SORD: variants seen among roughly 807,000 people sequenced by gnomAD.
SORD encodes the protein (R,R)-butanediol dehydrogenase.
Under a neutral mutation model 35.6 loss-of-function variants are expected in SORD, and 18 were observed. That is an observed-to-expected ratio of 0.51 (90% confidence interval 0.35 to 0.75). The LOEUF is 0.75. Among genes scored for constraint, SORD ranks in the 30% least tolerant of loss-of-function variants. SORD has a pLI of 0.01. For synonymous variants in SORD, 106 were observed against 152.9 expected, an observed-to-expected ratio of 0.69 and a Z score of 2.26; for missense variants, 250 against 390.2, an observed-to-expected ratio of 0.64 and a Z score of 3.03.
chr15:45,024,917 G>A (rs1892647119), intron 1 of SORD, among the ~76,000 whole-genome samples: 1 of 152,272 alleles, frequency 6.6e-6, no homozygotes, highest in South Asian at 2.1e-4. Flanking sequence ...CCCTCTATCT[G>A]CTCAGAGCCT....
intron 1 of SORD, among the ~76,000 whole-genome samples, chr15:45,031,357 T>G (rs1263588301): frequency 6.8e-6 from 1 of 147,834 alleles, no homozygotes; most frequent in Non-Finnish European, 1.5e-5. Flanking sequence ...GAATGAACCG[T>G]GGCAAGTAGC....
chr15:45,059,822 A>C (rs914956653), intron 3 of SORD, among the ~76,000 whole-genome samples: 1 of 152,220 alleles, frequency 6.6e-6, no homozygotes, highest in African/African-American at 2.4e-5. Context: ...AACAACATAG[A>C]TCAATCTGAA....
intron 7 of SORD, among the ~76,000 whole-genome samples, chr15:45,071,385 C>T (rs1445766535): frequency 6.6e-6 from 1 of 152,166 alleles, no homozygotes; most frequent in Non-Finnish European, 1.5e-5. Context: ...CACTCAAACC[C>T]TGAGTTCACC....
intron 1 of SORD, among the ~76,000 whole-genome samples, chr15:45,037,327 A>G (rs946569295): frequency 3.9e-5 from 6 of 152,206 alleles, no homozygotes; most frequent in African/African-American, 1.4e-4. Context: ...ACTTGAATAA[A>G]TATTTACAGT....
intron 3 of SORD, chr15:45,047,311 A>T (rs1048770410): frequency 4.0e-5 from 6 of 151,362 alleles, no homozygotes; most frequent in African/African-American, 1.2e-4. Context: ...AAAATTGTTT[A>T]TTATTTCCCT....
intron 3 of SORD, among the ~76,000 whole-genome samples, chr15:45,051,592 A>G (rs1384195231): frequency 2.6e-5 from 4 of 152,230 alleles, no homozygotes; most frequent in Non-Finnish European, 5.9e-5. Flanking sequence ...AAAACAAGGC[A>G]AAAACCTTCA....
intron 3 of SORD, among the ~76,000 whole-genome samples, chr15:45,053,816 CCCAGAG>C (rs1893168385): frequency 7.2e-6 from 1 of 138,412 alleles, no homozygotes; most frequent in African/African-American, 2.7e-5. Context: ...CACCACAGTC[CCCAGAG>C]TGTGATGTTC....
At chr15:45,054,949 T>C (rs1203406322) in intron 3 of SORD, among the ~76,000 whole-genome samples, 2 of 150,728 alleles carry the variant, frequency 1.3e-5, no homozygotes, top group East Asian at 3.9e-4. Flanking sequence ...AAAGATCAGA[T>C]AGTTGTAGAT....
chr15:45,025,583 C>T lies in SORD; in HGVS notation c.66+2234C>T, dbSNP rs576399128. ...GTCAGAGATTGCAATGAACTGAGAT[C>T]GTACCACTGCACTCCAGCCTGAATG... On this transcript the variant is annotated intron_variant, in intron 1 of 8. Transcript: ENST00000267814. Among the ~76,000 whole-genome samples, 16 of 147,196 alleles carry T rather than the reference C, an allele frequency of 1.1e-4. 1 individual carries two copies. In the South Asian group the frequency reaches 3.4e-3, roughly 32 times the overall value.
chr15:45,068,209 G>A lies in SORD; in HGVS notation c.573G>A (p.Val191=), dbSNP rs747332032. The A allele has an allele frequency of 6.2e-7, 1 of 1,613,888 alleles. No individual in the cohort carries two copies. The highest frequency in any genetic ancestry group is 8.5e-7 in the Non-Finnish European group (1 of 1,179,774). ...CAATCGGGATGGTCACTTTGCTCGT[G>A]GCCAAAGCAATGGGAGCAGCTCAAG... ...AGPIGMVTLL[V]AKAMGAAQVV... The change falls in exon 6 of 9, where the codon GTG becomes GTA. Residue 191 remains valine (V), a synonymous_variant. Transcript: ENST00000267814.
intron 4 of SORD, among the ~76,000 whole-genome samples, chr15:45,064,075 G>C (rs889675314): frequency 6.7e-6 from 1 of 149,250 alleles, no homozygotes; most frequent in Admixed American, 6.8e-5. Flanking sequence ...TGAGCACATG[G>C]TTTGGCTGTC....
intron 3 of SORD, among the ~76,000 whole-genome samples, chr15:45,055,851 A>C (rs1893206258): frequency 6.6e-6 from 1 of 152,180 alleles, no homozygotes; most frequent in African/African-American, 2.4e-5. Context: ...AAATCAATAA[A>C]TGTAATCCAG....
chr15:45,040,040 T>C (rs879445713), intron 1 of SORD, among the ~76,000 whole-genome samples: 11 of 151,984 alleles, frequency 7.2e-5, no homozygotes, highest in Admixed American at 7.2e-4. Flanking sequence ...TCAGTTAGGA[T>C]TGGCCTTTGG....
intron 3 of SORD, among the ~76,000 whole-genome samples, chr15:45,051,366 A>G (rs1049180495): frequency 6.6e-6 from 1 of 152,212 alleles, no homozygotes; most frequent in Non-Finnish European, 1.5e-5. Flanking sequence ...GTAACTAAAC[A>G]TGTCAAATAC....
intron 3 of SORD, chr15:45,058,412 G>C (rs991563434): frequency 3.3e-5 from 5 of 152,078 alleles, no homozygotes; most frequent in Non-Finnish European, 7.3e-5. Flanking sequence ...GAGTCTTACA[G>C]ATCTGGTGGC....
At chr15:45,049,529 C>CTGACAA (rs1358142537) in intron 3 of SORD, among the ~76,000 whole-genome samples, 2 of 152,166 alleles carry the variant, frequency 1.3e-5, no homozygotes, top group East Asian at 3.9e-4. Flanking sequence ...AATCCCAAAG[C>CTGACAA]TGACAATGTG....
chr15:45,047,852 G>A (rs1186919594), intron 3 of SORD, among the ~76,000 whole-genome samples: 5 of 152,302 alleles, frequency 3.3e-5, no homozygotes, highest in Admixed American at 6.5e-5. Flanking sequence ...GCTCAGGCAG[G>A]GGGTCTGCCA....
intron 1 of SORD, chr15:45,036,265 CAA>C (rs1892864201): frequency 2.2e-6 from 1 of 448,486 alleles, no homozygotes; most frequent in Non-Finnish European, 4.5e-6. Context: ...ATTCCGGACA[CAA>C]AGAGAGGAGT....
At chr15:45,053,366 A>G (rs1433290971) in intron 3 of SORD, among the ~76,000 whole-genome samples, 1 of 152,230 alleles carries the variant, frequency 6.6e-6, no homozygotes, top group East Asian at 1.9e-4. Context: ...GCTGAACTTG[A>G]TACATTAAGG....
Sources: gnomAD v4.1 joint callset for allele counts (sites outside exome capture counted in the v4.1 genomes callset) on GRCh38, gnomAD v4.1.1 for gene constraint, MANE v1.5 for transcripts, NCBI Gene and HGNC (gene_info 2026-07-23, HGNC 2026-07-21) for gene names.